GPR83: variants seen among roughly 807,000 people sequenced by gnomAD.
GPR83 encodes G-protein coupled receptor 72.
A neutral mutation model predicts 28.0 loss-of-function variants in GPR83; 23 were observed. The ratio of observed to expected loss-of-function variants is 0.82; its 90% CI spans 0.59 to 1.16. The LOEUF is 1.16. Among genes scored for constraint, GPR83 ranks in the 50% most tolerant of loss-of-function variants. The pLI is 0.00. For missense variants in GPR83, 610 were observed against 536.6 expected, an observed-to-expected ratio of 1.14 and a Z score of -1.35; for synonymous variants, 234 against 215.4, an observed-to-expected ratio of 1.09 and a Z score of -0.76.
intron 3 of GPR83, among the ~76,000 whole-genome samples, chr11:94,391,081 A>C (rs1468031523): frequency 6.6e-6 from 1 of 152,222 alleles, no homozygotes. Flanking sequence ...CTATACTACA[A>C]GGCTACAGTA....
chr11:94,400,429 TG>T (rs141053312), intron 1 of GPR83, among the ~76,000 whole-genome samples: 3,102 of 132,302 alleles, frequency 0.023, 106 homozygotes, highest in African/African-American at 0.082. Context: ...AGAGGAGAGG[TG>T]GGGAGAGGAG....
intron 3 of GPR83, among the ~76,000 whole-genome samples, chr11:94,389,156 C>G (rs1226172118): frequency 6.6e-6 from 1 of 152,098 alleles, no homozygotes; most frequent in Non-Finnish European, 1.5e-5. Context: ...TTCCTTACAC[C>G]TTACACAAAA....
chr11:94,393,851 G>A (rs908664623), intron 2 of GPR83, among the ~76,000 whole-genome samples: 6 of 152,082 alleles, frequency 3.9e-5, no homozygotes, highest in Admixed American at 3.9e-4. Context: ...TGGATGGCAC[G>A]GCTCACTTGT....
intron 3 of GPR83, among the ~76,000 whole-genome samples, chr11:94,389,922 A>G (rs1944798918): frequency 6.6e-6 from 1 of 152,228 alleles, no homozygotes; most frequent in African/African-American, 2.4e-5. Flanking sequence ...AGCCAACCCA[A>G]ATGTCCAACA....
At chr11:94,400,758 G>T (rs1386829277) in intron 1 of GPR83, 103 bp downstream of exon 1, 1 of 975,758 alleles carries the variant, frequency 1.0e-6, no homozygotes, top group African/African-American at 1.6e-5. Flanking sequence ...GAGAGAAGTG[G>T]GGACCCACAG....
chr11:94,388,067 C>T (rs1247817135), intron 3 of GPR83, among the ~76,000 whole-genome samples: 2 of 152,134 alleles, frequency 1.3e-5, no homozygotes, highest in African/African-American at 4.8e-5. Context: ...GAACCAATGA[C>T]AAAAACCACA....
intron 1 of GPR83, 118 bp downstream of exon 1, chr11:94,400,743 G>A (rs1944903374): frequency 1.2e-6 from 1 of 808,522 alleles, no homozygotes; most frequent in Non-Finnish European, 2.0e-6. Context: ...GAAGAGAGAT[G>A]TGGAGAGAGA....
At chr11:94,391,557 T>A (rs1300276936) in intron 3 of GPR83, among the ~76,000 whole-genome samples, 1 of 152,114 alleles carries the variant, frequency 6.6e-6, no homozygotes, top group Non-Finnish European at 1.5e-5. Context: ...GGACAAAATT[T>A]TTGCAATCTA....
At chr11:94,394,625 G>T (rs1944848896) in intron 2 of GPR83, among the ~76,000 whole-genome samples, 2 of 152,072 alleles carry the variant, frequency 1.3e-5, no homozygotes, top group Admixed American at 1.3e-4. Context: ...GCTGTGTCTC[G>T]AGCTTTTTTT....
At chr11:94,386,407 T>C (rs931575210) in intron 3 of GPR83, among the ~76,000 whole-genome samples, 6 of 152,084 alleles carry the variant, frequency 3.9e-5, no homozygotes, top group Admixed American at 3.9e-4. Context: ...GCCTGGCAAA[T>C]TGGATAAAGA....
chr11:94,377,934 T>G lies in GPR83; in HGVS notation c.*2215A>C, dbSNP rs1944638671. The G allele has an allele frequency of 6.6e-6, 1 of 152,236 alleles. No individual in the cohort carries two copies. The highest frequency in any genetic ancestry group is 2.1e-4 in the South Asian group (1 of 4,830). The allele number at this position is 152,236 out of a possible 1,614,324, so 9.4% of individuals were successfully genotyped here. ...GAGGAGTGAAGTACAACATCCTCCA[T>G]GCTTCCCAGAGCAGGACAAACCTTC... On this transcript the variant is annotated 3_prime_UTR_variant, in exon 4 of 4. Coordinates refer to ENST00000243673, the MANE Select transcript of GPR83 (RefSeq NM_016540.4).
At chr11:94,385,548 A>C (rs1424434176) in intron 3 of GPR83, among the ~76,000 whole-genome samples, 1 of 152,250 alleles carries the variant, frequency 6.6e-6, no homozygotes, top group Non-Finnish European at 1.5e-5. Context: ...CTACGTGATG[A>C]ATGCACAAGC....
intron 1 of GPR83, among the ~76,000 whole-genome samples, chr11:94,398,596 G>A (rs1189181660): frequency 2.0e-5 from 3 of 152,070 alleles, no homozygotes; most frequent in Non-Finnish European, 2.9e-5. Context: ...CCTCCTCTAC[G>A]TTCTCTGTGC....
At chr11:94,400,736 G>C in intron 1 of GPR83, 125 bp downstream of exon 1, 1 of 751,844 alleles carries the variant, frequency 1.3e-6, no homozygotes, top group South Asian at 1.8e-5. Flanking sequence ...TGAGGAGGAA[G>C]AGAGATGTGG....
chr11:94,378,641 C>A lies in GPR83; in HGVS notation c.*1508G>T, dbSNP rs576855936. On this transcript the variant is annotated 3_prime_UTR_variant, in exon 4 of 4. Transcript: ENST00000243673. ...TGAACCACCAAAATGATGTTGACAG[C>A]GAATCTCCTTTTGAGAAATGGTGTG... 3 of 152,706 alleles carry A rather than the reference C, an allele frequency of 2.0e-5. No homozygotes were observed. The East Asian group carries it at 5.8e-4, about 29-fold the overall frequency. The allele number at this position is 152,706 out of a possible 1,614,324, so 9.5% of individuals were successfully genotyped here. A position where few individuals can be genotyped will look rare whatever the true frequency, so the allele number is the denominator to read the frequency against.
chr11:94,380,122 C>A lies in GPR83; in HGVS notation c.*27G>T, dbSNP rs3740867. ...TCCCTGCCTCAGGTGGAGACAGACCCCTCCCACTCCCTCTTCCCAACCTCT... is the reference window on the plus strand; with the variant it reads ...TCCCTGCCTCAGGTGGAGACAGACCACTCCCACTCCCTCTTCCCAACCTCT... On this transcript the variant is annotated 3_prime_UTR_variant, in exon 4 of 4. Transcript: ENST00000243673. The A allele has an allele frequency of 4.7e-6, 7 of 1,493,212 alleles. No individual in the cohort carries two copies. Among genetic ancestry groups the A allele is most frequent in the Non-Finnish European group, 6.3e-6 (7 of 1,119,088 alleles). 92.5% of individuals were successfully genotyped at this position (1,493,212 alleles called of 1,614,324 possible).
chr11:94,393,136 G>A (rs1042069172), intron 3 of GPR83, among the ~76,000 whole-genome samples: 3 of 152,194 alleles, frequency 2.0e-5, no homozygotes, highest in Non-Finnish European at 2.9e-5. Context: ...TAGATAGTGT[G>A]AGAGGTTTAC....
intron 2 of GPR83, among the ~76,000 whole-genome samples, chr11:94,395,864 T>C (rs1479120027): frequency 6.6e-6 from 1 of 152,226 alleles, no homozygotes; most frequent in African/African-American, 2.4e-5. Flanking sequence ...TCTCCTTTCA[T>C]CTGTGATTTT....
In GPR83 at chr11:94,393,433, G is replaced by A. The variant is rs1944836585; in HGVS notation, c.647+52C>T. On this transcript the variant is annotated intron_variant, in intron 3 of 3. Coordinates refer to ENST00000243673, the MANE Select transcript of GPR83 (RefSeq NM_016540.4). ...CCTCAGGTATCCCTTGGTGGAGCCT[G>A]ACTCAGGAGAAGACACAAGTCCCCA... 3.1e-5 allele frequency: 49 copies of A among 1,586,078 alleles called. No individual in the cohort carries two copies. In the South Asian group the frequency reaches 5.0e-4, roughly 16 times the overall value.
Sources: gnomAD v4.1 joint callset for allele counts (sites outside exome capture counted in the v4.1 genomes callset) on GRCh38, gnomAD v4.1.1 for gene constraint, MANE v1.5 for transcripts, NCBI Gene and HGNC (gene_info 2026-07-23, HGNC 2026-07-21) for gene names.